The following COL28A1 variants were observed in gnomAD, a reference collection of about 807,000 sequenced individuals.
COL28A1 encodes collagen type XXVIII alpha 1 chain.
COL28A1 carries 161 observed loss-of-function variants against 150.2 expected under a neutral mutation model. That is an observed-to-expected ratio of 1.07 (90% CI 0.94 to 1.22). The LOEUF is 1.22. COL28A1 is among the 50% of genes most tolerant of loss of function. The pLI, the probability that COL28A1 is intolerant of heterozygous loss-of-function variation, is 0.00. For missense variants in COL28A1, 1,617 were observed against 1,388.3 expected (o/e 1.16, Z -2.62); for synonymous variants, 552 against 469.7 (o/e 1.18, Z -2.26).
At chr7:7,479,540 A>G (rs555261914) in intron 13 of COL28A1, among the ~76,000 whole-genome samples, 3 of 152,238 alleles carry the variant, frequency 2.0e-5, no homozygotes, top group African/African-American at 7.2e-5. Context: ...TGCTGTTTAC[A>G]TGTGTTTCAA....
chr7:7,344,972 G>C, the COL28A1 span, among the ~76,000 whole-genome samples: 1 of 151,854 alleles, frequency 6.6e-6, no homozygotes, highest in Non-Finnish European at 1.5e-5. Context: ...AAAAGAAAAT[G>C]GACAGGAGAA....
intron 6 of COL28A1, 144 bp from the exon 7 acceptor site, chr7:7,517,981 T>C (rs1291079562): frequency 3.4e-6 from 3 of 888,962 alleles, no homozygotes; most frequent in East Asian, 3.2e-5. Context: ...CACTATGCAA[T>C]CTAGGCAAAA....
intron 7 of COL28A1, among the ~76,000 whole-genome samples, chr7:7,516,560 C>A (rs964975029): frequency 3.3e-5 from 5 of 152,142 alleles, no homozygotes; most frequent in African/African-American, 1.2e-4. Flanking sequence ...ATCACCAGCT[C>A]TAAGCAGCAG....
intron 25 of COL28A1, among the ~76,000 whole-genome samples, chr7:7,422,553 C>T (rs950198050): frequency 7.9e-5 from 12 of 151,834 alleles, no homozygotes; most frequent in African/African-American, 2.9e-4. Flanking sequence ...CACTTGAACC[C>T]GGGAGGCAGA....
At position 7,376,825 on chromosome 7, in the gene COL28A1, T is replaced by C. The variant is rs530709917; in HGVS notation, c.2323-1328A>G. On this transcript the variant is annotated intron_variant, in intron 30 of 34. Coordinates refer to ENST00000399429, the MANE Select transcript of COL28A1 (RefSeq NM_001037763.3). Reference sequence around the variant, plus strand: ...TTCTGAAAAACTTGATTACTGAAATTGAATGTGCGGCCATTTAAAGGCTCT... The same window carrying C: ...TTCTGAAAAACTTGATTACTGAAATCGAATGTGCGGCCATTTAAAGGCTCT... Among the ~76,000 whole-genome samples the C allele has an allele frequency of 5.3e-5, 8 of 152,322 alleles. No homozygotes were observed. In the East Asian group the frequency reaches 1.5e-3, roughly 29 times the overall value.
At chr7:7,440,084 G>C (rs1260716577) in intron 21 of COL28A1, among the ~76,000 whole-genome samples, 5 of 152,128 alleles carry the variant, frequency 3.3e-5, no homozygotes, top group Admixed American at 6.5e-5. Context: ...TGACCTTAAT[G>C]GTGGGTCTCT....
At chr7:7,411,548 C>T (rs1185919122) in intron 27 of COL28A1, among the ~76,000 whole-genome samples, 1 of 152,136 alleles carries the variant, frequency 6.6e-6, no homozygotes, top group African/African-American at 2.4e-5. Context: ...CTTTGTCCCC[C>T]TCCCCTGATC....
chr7:7,388,090 G>A (rs996413068), intron 27 of COL28A1, among the ~76,000 whole-genome samples: 2 of 151,930 alleles, frequency 1.3e-5, no homozygotes, highest in Non-Finnish European at 2.9e-5. Context: ...GTATGCATGT[G>A]TCACGGTGGT....
At chr7:7,384,550 T>C (rs1428047841) in intron 27 of COL28A1, among the ~76,000 whole-genome samples, 1 of 152,236 alleles carries the variant, frequency 6.6e-6, no homozygotes, top group African/African-American at 2.4e-5. Flanking sequence ...TATTTTATTA[T>C]GTGTTTGTTA....
At chr7:7,517,958 C>A in intron 6 of COL28A1, 121 bp from the exon 7 acceptor site, 1 of 1,343,326 alleles carries the variant, frequency 7.4e-7, no homozygotes, top group East Asian at 2.4e-5. Context: ...TTAGTCTTTC[C>A]CGTTGACATT....
chr7:7,346,838 A>C, the COL28A1 span, among the ~76,000 whole-genome samples: 1 of 152,106 alleles, frequency 6.6e-6, no homozygotes, highest in African/African-American at 2.4e-5. Flanking sequence ...GAAGATAGCA[A>C]ATATATCACG....
At chr7:7,505,128 A>C (rs1780739329) in intron 11 of COL28A1, among the ~76,000 whole-genome samples, 1 of 152,128 alleles carries the variant, frequency 6.6e-6, no homozygotes, top group African/African-American at 2.4e-5. Context: ...TAAATCACAC[A>C]CTGTCATTAT....
intron 32 of COL28A1, among the ~76,000 whole-genome samples, chr7:7,372,444 G>A (rs1232027196): frequency 8.0e-6 from 1 of 124,754 alleles, no homozygotes; most frequent in Non-Finnish European, 1.8e-5. Flanking sequence ...TAAATAAATG[G>A]TTGTTCTTTT....
At chr7:7,474,385 C>T (rs192921815) in intron 15 of COL28A1, among the ~76,000 whole-genome samples, 3 of 152,044 alleles carry the variant, frequency 2.0e-5, no homozygotes, top group Admixed American at 6.5e-5. Flanking sequence ...CACAAATCAC[C>T]ACTAAAGAAC....
chr7:7,488,863 T>C (rs1779764973), intron 13 of COL28A1, among the ~76,000 whole-genome samples: 1 of 152,242 alleles, frequency 6.6e-6, no homozygotes, highest in Non-Finnish European at 1.5e-5. Flanking sequence ...AGTTGATTCA[T>C]CTTGTAAGAA....
At chr7:7,354,469 G>C (rs1007051211), downstream of COL28A1, among the ~76,000 whole-genome samples, 1 of 152,158 alleles carries the variant, frequency 6.6e-6, no homozygotes, top group African/African-American at 2.4e-5. Flanking sequence ...AGAGTAGGGT[G>C]TCCTCAAAAA....
At chr7:7,484,244 G>A (rs528021266) in intron 13 of COL28A1, among the ~76,000 whole-genome samples, 28 of 152,078 alleles carry the variant, frequency 1.8e-4, no homozygotes, top group Middle Eastern at 3.4e-3. Context: ...ATTATAAACA[G>A]ACTAAAGACA....
chr7:7,530,221 T>C (rs1782270486), intron 3 of COL28A1, among the ~76,000 whole-genome samples: 2 of 152,168 alleles, frequency 1.3e-5, no homozygotes, highest in South Asian at 4.1e-4. Context: ...CATCATAAGA[T>C]TGTGGCAAAC....
At chr7:7,385,384 GC>G (rs1562517415) in intron 27 of COL28A1, among the ~76,000 whole-genome samples, 1 of 152,144 alleles carries the variant, frequency 6.6e-6, no homozygotes, top group African/African-American at 2.4e-5. Flanking sequence ...TCCATGGTTG[GC>G]TTTGTCTCAG....
Sources: allele counts gnomAD v4.1 joint callset (sites outside exome capture counted in the v4.1 genomes callset), GRCh38; gene constraint gnomAD v4.1.1; transcripts MANE v1.5; gene names NCBI Gene and HGNC (gene_info 2026-07-23, HGNC 2026-07-21).